Variants in PBLD observed in about 807,000 individuals in gnomAD.
The protein encoded by PBLD is phenazine biosynthesis-like domain-containing protein.
Under a neutral mutation model 31.3 loss-of-function variants are expected in PBLD, and 26 were observed. The observed-to-expected ratio is 0.83, with a 90% CI of 0.61 to 1.15. The LOEUF is 1.15. Among genes scored for constraint, PBLD ranks in the 50% most tolerant of loss-of-function variants. PBLD has a pLI of 0.00. For missense variants in PBLD, 307 were observed against 351.7 expected, an observed-to-expected ratio of 0.87 and a Z score of 1.02; for synonymous variants, 114 against 129.0, an observed-to-expected ratio of 0.88 and a Z score of 0.79.
At chr10:68,314,703 T>C (rs2044713862) in intron 1 of PBLD, among the ~76,000 whole-genome samples, 1 of 152,132 alleles carries the variant, frequency 6.6e-6, no homozygotes, top group Non-Finnish European at 1.5e-5. Context: ...GTTCAAGCGA[T>C]TCTCCTTCCT....
intron 8 of PBLD, chr10:68,287,638 G>A (rs1451858713): frequency 2.0e-5 from 3 of 152,478 alleles, no homozygotes; most frequent in Non-Finnish European, 4.4e-5. Flanking sequence ...GCAGCCCACT[G>A]TTCCCAAAGA....
intron 1 of PBLD, among the ~76,000 whole-genome samples, chr10:68,317,492 G>A (rs1195787376): frequency 6.6e-6 from 1 of 152,052 alleles, no homozygotes; most frequent in East Asian, 1.9e-4. Flanking sequence ...CTTTCAGGAT[G>A]GCCACTATCA....
In PBLD at chr10:68,288,900, CCCAAAGTGCTGATGCAG is replaced by C. The variant is rs2044321448; in HGVS notation, c.512+14_512+30del. 6.3e-7 allele frequency: 1 copy of C among 1,587,922 alleles called. No homozygotes were observed. The highest frequency in any genetic ancestry group is 1.3e-5 in the African/African-American group (1 of 74,318). On this transcript the variant is annotated intron_variant, in intron 7 of 9. Coordinates refer to ENST00000358769, the MANE Select transcript of PBLD (RefSeq NM_022129.4). ...CTATAAATCTGGGTACTCAGCCCTC[CCCAAAGTGCTGATGCAG>C]CCAAAAATCTTACCTGTTGTAAACG...
intron 1 of PBLD, among the ~76,000 whole-genome samples, chr10:68,324,617 T>C (rs2044886902): frequency 6.6e-6 from 1 of 151,462 alleles, no homozygotes; most frequent in African/African-American, 2.4e-5. Context: ...TATTTATTTA[T>C]TTATTTATTT....
At chr10:68,304,214 G>A (rs2044546695) in intron 2 of PBLD, among the ~76,000 whole-genome samples, 2 of 152,152 alleles carry the variant, frequency 1.3e-5, no homozygotes, top group African/African-American at 4.8e-5. Flanking sequence ...TATTGATTAC[G>A]AATTAGGAAA....
intron 1 of PBLD, among the ~76,000 whole-genome samples, chr10:68,325,731 A>G (rs1249100207): frequency 6.6e-6 from 1 of 152,202 alleles, no homozygotes; most frequent in African/African-American, 2.4e-5. Flanking sequence ...TATTTTGTAC[A>G]TCCATGCCTT....
intron 1 of PBLD, among the ~76,000 whole-genome samples, chr10:68,313,306 T>C (rs1477132870): frequency 6.6e-6 from 1 of 152,220 alleles, no homozygotes; most frequent in Non-Finnish European, 1.5e-5. Context: ...CTTCATTCTG[T>C]TGTTTCCTTT....
chr10:68,310,766 C>A (rs1186121563), intron 1 of PBLD, among the ~76,000 whole-genome samples: 2 of 150,210 alleles, frequency 1.3e-5, no homozygotes, highest in Non-Finnish European at 2.9e-5. Context: ...CATGTTGATG[C>A]AAATGATGGG....
chr10:68,293,096 A>T (rs539612322), intron 4 of PBLD, among the ~76,000 whole-genome samples: 2 of 152,318 alleles, frequency 1.3e-5, no homozygotes, highest in African/African-American at 4.8e-5. Context: ...TCTAGACTGA[A>T]GCAATCCTCC....
chr10:68,290,146 G>A (rs1305038228), intron 6 of PBLD, among the ~76,000 whole-genome samples: 3 of 152,024 alleles, frequency 2.0e-5, no homozygotes, highest in Non-Finnish European at 4.4e-5. Context: ...ACCAGCCCCA[G>A]CTGCCAGGCC....
At chr10:68,303,055 ATTATTTATTTATTTAT>A (rs10535286) in intron 2 of PBLD, among the ~76,000 whole-genome samples, 1 of 149,684 alleles carries the variant, frequency 6.7e-6, no homozygotes, top group African/African-American at 2.5e-5. Flanking sequence ...GACACCATCA[ATTATTTATTTATTTAT>A]TTATTTATTT....
intron 1 of PBLD, among the ~76,000 whole-genome samples, chr10:68,323,426 G>A (rs752960394): frequency 4.6e-5 from 7 of 152,130 alleles, no homozygotes; most frequent in South Asian, 2.1e-4. Flanking sequence ...GCCAGGCTTC[G>A]TGGAGCATAC....
At chr10:68,318,604 T>C (rs1159387681) in intron 1 of PBLD, among the ~76,000 whole-genome samples, 3 of 151,954 alleles carry the variant, frequency 2.0e-5, no homozygotes, top group Admixed American at 2.0e-4. Flanking sequence ...AAGATATATT[T>C]GAATGGCAAG....
chr10:68,328,163 G>C (rs1230113541), intron 1 of PBLD, among the ~76,000 whole-genome samples: 1 of 152,178 alleles, frequency 6.6e-6, no homozygotes, highest in African/African-American at 2.4e-5. Context: ...GCATTTCACA[G>C]TCTTACACAA....
At chr10:68,318,980 A>T (rs2044776511) in intron 1 of PBLD, among the ~76,000 whole-genome samples, 1 of 151,162 alleles carries the variant, frequency 6.6e-6, no homozygotes, top group Non-Finnish European at 1.5e-5. Context: ...GGCAAGAAGG[A>T]AGGAAGTTAG....
At chr10:68,332,692 G>A (rs1208319372) in intron 1 of PBLD, 92 bp downstream of exon 1, 2 of 152,540 alleles carry the variant, frequency 1.3e-5, no homozygotes, top group East Asian at 1.9e-4. Flanking sequence ...GGGAGGATCG[G>A]GTTTGCCGGG....
chr10:68,319,114 A>AG (rs1282323485), intron 1 of PBLD, among the ~76,000 whole-genome samples: 20 of 126,034 alleles, frequency 1.6e-4, no homozygotes, highest in African/African-American at 3.0e-4. Flanking sequence ...AAAGAAAGGA[A>AG]AAAGAAAGAA....
chr10:68,294,043 C>G (rs936078507), intron 4 of PBLD, among the ~76,000 whole-genome samples: 1 of 152,178 alleles, frequency 6.6e-6, no homozygotes, highest in African/African-American at 2.4e-5. Flanking sequence ...TTTCAAGACT[C>G]AATTCCTAAA....
chr10:68,306,068 T>C (rs1016191463), intron 2 of PBLD, among the ~76,000 whole-genome samples: 1 of 150,156 alleles, frequency 6.7e-6, no homozygotes, highest in Non-Finnish European at 1.5e-5. Context: ...ACAAGGTCAA[T>C]ATTCCTTGAC....
Sources: allele counts gnomAD v4.1 joint callset (sites outside exome capture counted in the v4.1 genomes callset), GRCh38; gene constraint gnomAD v4.1.1; transcripts MANE v1.5; gene names NCBI Gene and HGNC (gene_info 2026-07-23, HGNC 2026-07-21).